Variants in YWHAQ observed in about 807,000 individuals in gnomAD.
YWHAQ encodes 14-3-3 protein theta.
YWHAQ carries 6 observed loss-of-function variants against 28.3 expected under a neutral mutation model. The ratio of observed to expected loss-of-function variants is 0.21; its 90% CI spans 0.12 to 0.42. YWHAQ has a LOEUF of 0.42. Ranked by LOEUF, YWHAQ falls within the 10% of genes least tolerant of loss-of-function variation. YWHAQ has a pLI of 1.00. For synonymous variants in YWHAQ, 143 were observed against 119.1 expected, an observed-to-expected ratio of 1.20 and a Z score of -1.31; for missense variants, 201 against 305.6, an observed-to-expected ratio of 0.66 and a Z score of 2.55.
chr2:9,602,069 A>C (rs542750024), intron 2 of YWHAQ, among the ~76,000 whole-genome samples: 56 of 152,306 alleles, frequency 3.7e-4, no homozygotes, highest in African/African-American at 1.3e-3. Context: ...TTTAGTAATG[A>C]TACATTAGAG....
In YWHAQ at chr2:9,630,471, G is replaced by T. The variant is rs926010256; in HGVS notation, c.-19C>A. ...TCTCCATGGCGGGCGCGGGGCCGGGGCCGGGGCGGAGGGCGAGGAGAGCGA... is the reference window on the plus strand; with the variant it reads ...TCTCCATGGCGGGCGCGGGGCCGGGTCCGGGGCGGAGGGCGAGGAGAGCGA... On this transcript the variant is annotated 5_prime_UTR_variant, in exon 2 of 6. Coordinates refer to ENST00000238081, the MANE Select transcript of YWHAQ (RefSeq NM_006826.4). This position sits in a 1 kb window ranked among gnomAD's most constrained non-coding sequence, Gnocchi z 5.6. 6.3e-7 allele frequency: 1 copy of T among 1,577,598 alleles called. No individual in the cohort carries two copies. The highest frequency in any genetic ancestry group is 8.6e-7 in the Non-Finnish European group (1 of 1,165,152).
At chr2:9,589,374 G>A (rs957851182) in intron 3 of YWHAQ, among the ~76,000 whole-genome samples, 8 of 152,194 alleles carry the variant, frequency 5.3e-5, no homozygotes, top group Non-Finnish European at 1.2e-4. Flanking sequence ...ACCTGAGGTT[G>A]GAGGTACAAG....
At chr2:9,600,806 C>A (rs1170342962) in intron 2 of YWHAQ, among the ~76,000 whole-genome samples, 1 of 152,188 alleles carries the variant, frequency 6.6e-6, no homozygotes, top group African/African-American at 2.4e-5. Flanking sequence ...ATTGCCACGG[C>A]CACCCCCAAC....
chr2:9,596,641 A>G (rs1405500415), intron 2 of YWHAQ, among the ~76,000 whole-genome samples: 1 of 152,196 alleles, frequency 6.6e-6, no homozygotes, highest in Non-Finnish European at 1.5e-5. Context: ...GTTAACCAGC[A>G]TATTAATAGA....
At chr2:9,589,209 C>CT (rs990602036) in intron 3 of YWHAQ, among the ~76,000 whole-genome samples, 3 of 152,142 alleles carry the variant, frequency 2.0e-5, no homozygotes, top group Admixed American at 1.3e-4. Context: ...GTAAATCAGA[C>CT]TTTTTTCCAT....
chr2:9,609,346 T>C (rs1186840582), intron 2 of YWHAQ, among the ~76,000 whole-genome samples: 1 of 151,848 alleles, frequency 6.6e-6, no homozygotes, highest in East Asian at 1.9e-4. Context: ...AGAAAATTAA[T>C]ACAACAAAAG....
At chr2:9,592,396 G>C (rs1248928758) in intron 2 of YWHAQ, among the ~76,000 whole-genome samples, 1 of 151,648 alleles carries the variant, frequency 6.6e-6, no homozygotes, top group East Asian at 1.9e-4. Context: ...AATCTTCTTA[G>C]ATTCCATTTT....
At chr2:9,597,426 T>G (rs1009907036) in intron 2 of YWHAQ, among the ~76,000 whole-genome samples, 2 of 152,016 alleles carry the variant, frequency 1.3e-5, no homozygotes, top group Non-Finnish European at 2.9e-5. Context: ...GGTGGGCGGA[T>G]CACGAGGTCA....
intron 2 of YWHAQ, among the ~76,000 whole-genome samples, chr2:9,613,192 CATT>C (rs1050372892): frequency 6.6e-6 from 1 of 152,094 alleles, no homozygotes; most frequent in Non-Finnish European, 1.5e-5. Flanking sequence ...ATGGAGCACT[CATT>C]AATGTGAATT....
At chr2:9,593,923 T>TACACAC (rs1553372602) in intron 2 of YWHAQ, among the ~76,000 whole-genome samples, 3,504 of 135,122 alleles carry the variant, frequency 0.026, 216 homozygotes, top group African/African-American at 0.097. Context: ...TATATATATA[T>TACACAC]ACACACACAC....
intron 2 of YWHAQ, among the ~76,000 whole-genome samples, chr2:9,597,208 C>T (rs1666590005): frequency 6.6e-6 from 1 of 152,094 alleles, no homozygotes; most frequent in Non-Finnish European, 1.5e-5. Context: ...GGATTTGTTG[C>T]CTTAACCAAG....
chr2:9,621,638 T>C (rs893258797), intron 2 of YWHAQ, among the ~76,000 whole-genome samples: 8 of 152,150 alleles, frequency 5.3e-5, no homozygotes, highest in African/African-American at 1.9e-4. Flanking sequence ...TGCACAAATC[T>C]TGGGTGTACA....
chr2:9,630,697 C>T lies in YWHAQ; in HGVS notation c.-82-163G>A. The T allele has an allele frequency of 3.9e-6, 1 of 253,724 alleles. No homozygotes were observed. The highest frequency in any genetic ancestry group is 7.4e-6 in the Non-Finnish European group (1 of 135,210). 15.7% of individuals were successfully genotyped at this position (253,724 alleles called of 1,614,324 possible). ...GGGCACCCGGGGAGGCCGCGGCCCG[C>T]GGCTGGAGGAGGCGGGGGCGGCGCG... On this transcript the variant is annotated intron_variant, in intron 1 of 5. Coordinates refer to ENST00000238081, the MANE Select transcript of YWHAQ (RefSeq NM_006826.4). The surrounding 1 kb of genome is among the most constrained non-coding windows in gnomAD (Gnocchi z 5.6).
intron 2 of YWHAQ, among the ~76,000 whole-genome samples, chr2:9,594,814 G>T (rs1291328313): frequency 6.6e-6 from 1 of 152,222 alleles, no homozygotes; most frequent in African/African-American, 2.4e-5. Context: ...AGGGTGAGGA[G>T]TAGGGAAGAG....
At chr2:9,627,825 T>C (rs1447692813) in intron 2 of YWHAQ, among the ~76,000 whole-genome samples, 1 of 152,164 alleles carries the variant, frequency 6.6e-6, no homozygotes, top group Admixed American at 6.5e-5. Flanking sequence ...ACCGACACAC[T>C]GTTCCCCGAA....
intron 2 of YWHAQ, among the ~76,000 whole-genome samples, chr2:9,623,145 C>T (rs1424289838): frequency 2.0e-5 from 3 of 152,188 alleles, no homozygotes; most frequent in Non-Finnish European, 2.9e-5. Flanking sequence ...TTTTCTTAAG[C>T]AGTCCTTTGT....
intron 2 of YWHAQ, among the ~76,000 whole-genome samples, chr2:9,612,874 G>A (rs1666977336): frequency 6.6e-6 from 1 of 152,160 alleles, no homozygotes; most frequent in Non-Finnish European, 1.5e-5. Flanking sequence ...TCCAACTACA[G>A]CCTCTTGTTG....
intron 2 of YWHAQ, among the ~76,000 whole-genome samples, chr2:9,623,859 T>C (rs1247446413): frequency 2.0e-5 from 3 of 152,120 alleles, no homozygotes; most frequent in Non-Finnish European, 2.9e-5. Context: ...GGGAGGAGAT[T>C]TGCCGTTCAT....
chr2:9,608,600 T>G (rs898224291), intron 2 of YWHAQ, among the ~76,000 whole-genome samples: 2 of 152,082 alleles, frequency 1.3e-5, no homozygotes, highest in Non-Finnish European at 2.9e-5. Context: ...AACAGAGAGA[T>G]TCTCACAATC....
Sources: gnomAD v4.1 joint callset for allele counts (sites outside exome capture counted in the v4.1 genomes callset) on GRCh38, gnomAD v4.1.1 for gene constraint, Gnocchi (gnomAD v3.1) non-coding constraint, MANE v1.5 for transcripts, NCBI Gene and HGNC (gene_info 2026-07-23, HGNC 2026-07-21) for gene names.